The following CERS5 variants were observed in gnomAD, a reference collection of about 807,000 sequenced individuals.
CERS5 encodes LAG1 homolog, ceramide synthase 5.
CERS5 carries 37 observed loss-of-function variants against 58.9 expected under a neutral mutation model. The observed-to-expected ratio is 0.63, with a 90% CI of 0.48 to 0.83. CERS5 has a LOEUF of 0.83. Among genes scored for constraint, CERS5 ranks in the 40% least tolerant of loss-of-function variants. The pLI is 0.00. For missense variants in CERS5, 398 were observed against 489.3 expected, an observed-to-expected ratio of 0.81 and a Z score of 1.76; for synonymous variants, 147 against 177.8, an observed-to-expected ratio of 0.83 and a Z score of 1.38.
At chr12:50,130,780 T>TC in intron 9 of CERS5, 86 bp from the exon 10 acceptor site, 2 of 1,274,696 alleles carry the variant, frequency 1.6e-6, no homozygotes, top group South Asian at 3.1e-5. Context: ...GGCACTGTGT[T>TC]CCCAGTCTGG....
chr12:50,146,846 CAAAAAAAAAAA>C (rs10714679), intron 1 of CERS5, among the ~76,000 whole-genome samples: 3 of 105,014 alleles, frequency 2.9e-5, no homozygotes, highest in African/African-American at 7.2e-5. Context: ...GACTCCGTCT[CAAAAAAAAAAA>C]AAAAAAAAGA....
chr12:50,146,589 G>C (rs1410541230), intron 1 of CERS5, among the ~76,000 whole-genome samples: 2 of 152,224 alleles, frequency 1.3e-5, no homozygotes, highest in African/African-American at 2.4e-5. Flanking sequence ...GCCGGGCGCA[G>C]TGGCTCACGC....
chr12:50,164,716 A>C (rs537483685), intron 1 of CERS5, among the ~76,000 whole-genome samples: 4 of 152,116 alleles, frequency 2.6e-5, no homozygotes, highest in Non-Finnish European at 5.9e-5. Context: ...ACTCAGATAG[A>C]ATTCCCACAG....
chr12:50,157,406 C>A lies in CERS5; in HGVS notation c.197+9695G>T, dbSNP rs1715440309. Among the ~76,000 whole-genome samples, 3 of 151,184 alleles carry A rather than the reference C, an allele frequency of 2.0e-5. 1 individual carries two copies. In the South Asian group the frequency reaches 6.3e-4, roughly 32 times the overall value. ...AAAACAGTAATTACTGTACTAGAGT[C>A]GCAACATCTCAAGCAGAAGTAGGTT... On this transcript the variant is annotated intron_variant, in intron 1 of 9. Coordinates refer to ENST00000317551, the MANE Select transcript of CERS5 (RefSeq NM_147190.5).
intron 3 of CERS5, among the ~76,000 whole-genome samples, chr12:50,142,390 G>A (rs1462581930): frequency 6.6e-6 from 1 of 151,560 alleles, no homozygotes; most frequent in Non-Finnish European, 1.5e-5. Flanking sequence ...TTGTCTCTAC[G>A]AATACAAAAA....
chr12:50,150,005 G>T (rs959828629), intron 1 of CERS5, among the ~76,000 whole-genome samples: 1 of 152,204 alleles, frequency 6.6e-6, no homozygotes, highest in Non-Finnish European at 1.5e-5. Flanking sequence ...GCCTCCCAAA[G>T]TGCTGGGATT....
chr12:50,159,214 A>G (rs7978904), intron 1 of CERS5, among the ~76,000 whole-genome samples: 102,800 of 151,674 alleles, frequency 0.68, 35,060 homozygotes, highest in East Asian at 0.84. Flanking sequence ...CCAGCTACTC[A>G]GGAGGCTGAG....
At chr12:50,162,520 G>C (rs1939416337) in intron 1 of CERS5, among the ~76,000 whole-genome samples, 1 of 151,830 alleles carries the variant, frequency 6.6e-6, no homozygotes, top group African/African-American at 2.4e-5. Flanking sequence ...ATGAGAAAAT[G>C]TATGCAAGGA....
At chr12:50,132,080 G>A (rs533995210) in intron 9 of CERS5, among the ~76,000 whole-genome samples, 1 of 150,564 alleles carries the variant, frequency 6.6e-6, no homozygotes, top group Admixed American at 6.6e-5. Context: ...ACTCCAGCCT[G>A]GGCAATGGAG....
chr12:50,147,770 T>A (rs897367672), intron 1 of CERS5, among the ~76,000 whole-genome samples: 7 of 152,160 alleles, frequency 4.6e-5, no homozygotes, highest in African/African-American at 7.2e-5. Context: ...TAAAACGTAA[T>A]GAGTTCATTG....
chr12:50,155,994 G>A (rs560185292), intron 1 of CERS5, among the ~76,000 whole-genome samples: 1 of 149,362 alleles, frequency 6.7e-6, no homozygotes, highest in South Asian at 2.1e-4. Flanking sequence ...CCAGCTACTC[G>A]GAGGCTGAGG....
chr12:50,138,407 A>G (rs891385232), intron 5 of CERS5, among the ~76,000 whole-genome samples, 160 bp downstream of exon 5: 1 of 151,076 alleles, frequency 6.6e-6, no homozygotes, highest in Non-Finnish European at 1.5e-5. Context: ...GTGGGGGGGA[A>G]AAAAAAATAG....
chr12:50,143,036 G>GTC, intron 3 of CERS5, 38 bp downstream of exon 3: 1 of 1,559,542 alleles, frequency 6.4e-7, no homozygotes, highest in East Asian at 2.3e-5. Flanking sequence ...GTATCCCACC[G>GTC]TCTTCCTTAT....
chr12:50,133,099 T>C, intron 9 of CERS5: 1 of 1,284,210 alleles, frequency 7.8e-7, no homozygotes, highest in Non-Finnish European at 1.0e-6. Context: ...AGAACAGAGA[T>C]GTCCAGTAGC....
Position 50,143,179 on chromosome 12 carries a change from C to A in CERS5, c.329G>T (p.Gly110Val), listed in dbSNP as rs779985936. The change falls in exon 3 of 10, where the codon GGC (glycine) becomes GTC (valine). Residue 110 changes from glycine (G) to valine (V), a missense_variant. Physicochemically the swap from Gly to Val is moderately radical, Grantham distance 109 (BLOSUM62 -3). This residue lies in a region of CERS5 where 328 missense variants were observed against 384.5 expected (regional missense o/e 0.85). Transcript: ENST00000317551. Reference protein sequence around the residue: ...TKYPDKKRLEGLSKQLDWNVR... With the variant: ...TKYPDKKRLEVLSKQLDWNVR... ...ATTCCAATCCAGCTGCTTTGACAGG[C>A]CCTCCAGCCTTTTCTTATCAGGATA... 3.0e-5 allele frequency: 48 copies of A among 1,614,002 alleles called. No individual in the cohort carries two copies. The highest frequency in any genetic ancestry group is 3.9e-5 in the Non-Finnish European group (46 of 1,180,022).
At chr12:50,135,308 A>AGGGTGT (rs1951624065) in intron 8 of CERS5, 2 of 168,928 alleles carry the variant, frequency 1.2e-5, no homozygotes, top group Non-Finnish European at 2.3e-5. Flanking sequence ...GAGAGAGAGG[A>AGGGTGT]GTGTGTGTGT....
intron 9 of CERS5, chr12:50,133,112 C>T (rs1951429249): frequency 2.3e-6 from 3 of 1,278,956 alleles, no homozygotes; most frequent in African/African-American, 1.5e-5. Flanking sequence ...CCAGTAGCTA[C>T]AGCAAGATGC....
At chr12:50,158,506 T>C (rs1938913984) in intron 1 of CERS5, among the ~76,000 whole-genome samples, 1 of 152,196 alleles carries the variant, frequency 6.6e-6, no homozygotes, top group South Asian at 2.1e-4. Flanking sequence ...AATGAACAGA[T>C]GAACAAATGG....
intron 1 of CERS5, among the ~76,000 whole-genome samples, chr12:50,145,750 CAAT>C (rs1181210292): frequency 6.6e-6 from 1 of 151,978 alleles, no homozygotes; most frequent in Non-Finnish European, 1.5e-5. Context: ...TTCTGTATAC[CAAT>C]AATATTTAAC....
Sources: allele counts gnomAD v4.1 joint callset (sites outside exome capture counted in the v4.1 genomes callset), GRCh38; gene constraint gnomAD v4.1.1; regional missense constraint gnomAD v4.1.1; transcripts MANE v1.5; gene names NCBI Gene and HGNC (gene_info 2026-07-23, HGNC 2026-07-21).